Variants in ATP8A2 observed in about 807,000 individuals in gnomAD.
ATP8A2 encodes the protein ATPase phospholipid transporting 8A2.
ATP8A2 carries 100 observed loss-of-function variants against 165.6 expected under a neutral mutation model. The ratio of observed to expected loss-of-function variants is 0.60; its 90% CI spans 0.51 to 0.71. The LOEUF (loss-of-function observed/expected upper bound fraction) is 0.71. ATP8A2 is among the 30% of genes least tolerant of loss of function. The pLI, the probability that ATP8A2 is intolerant of heterozygous loss-of-function variation, is 0.00. For missense variants in ATP8A2, 1,227 were observed against 1,479.5 expected, an observed-to-expected ratio of 0.83 and a Z score of 2.80; for synonymous variants, 543 against 548.8, an observed-to-expected ratio of 0.99 and a Z score of 0.15.
chr13:25,964,694 G>A (rs1276416513), intron 34 of ATP8A2, among the ~76,000 whole-genome samples: 1 of 152,192 alleles, frequency 6.6e-6, no homozygotes, highest in African/African-American at 2.4e-5. Flanking sequence ...CAGAAAGGGT[G>A]TGTATTTGAG....
At chr13:25,945,972 A>G (rs558402820) in intron 33 of ATP8A2, among the ~76,000 whole-genome samples, 3 of 152,276 alleles carry the variant, frequency 2.0e-5, no homozygotes, top group South Asian at 2.1e-4. Flanking sequence ...TAAAGGTTTC[A>G]TTCTAGGACC....
intron 1 of ATP8A2, among the ~76,000 whole-genome samples, chr13:25,398,329 T>C (rs1298927745): frequency 6.6e-6 from 1 of 152,196 alleles, no homozygotes; most frequent in East Asian, 1.9e-4. Flanking sequence ...TACTTTAATG[T>C]TAATGATGGT....
intron 25 of ATP8A2, among the ~76,000 whole-genome samples, chr13:25,736,617 C>G (rs2043775511): frequency 1.3e-5 from 2 of 152,202 alleles, no homozygotes; most frequent in African/African-American, 4.8e-5. Context: ...GCTTTGTGGT[C>G]TCTCTGCATC....
chr13:25,932,731 G>A (rs1172235503), intron 33 of ATP8A2, among the ~76,000 whole-genome samples: 1 of 152,192 alleles, frequency 6.6e-6, no homozygotes, highest in Non-Finnish European at 1.5e-5. Context: ...GCCTGCTGGG[G>A]AAGTCAGTTA....
chr13:25,635,270 G>A (rs1230918050), intron 24 of ATP8A2, among the ~76,000 whole-genome samples: 7 of 152,164 alleles, frequency 4.6e-5, no homozygotes, highest in Non-Finnish European at 1.0e-4. Context: ...ATTGGGGAAG[G>A]TTAAACTTGA....
rs184837763 is a variant in ATP8A2, at chr13:26,021,094, G to A, written c.*1109G>A. On this transcript the variant is annotated 3_prime_UTR_variant, in exon 37 of 37. Transcript: ENST00000381655. Reference sequence around the variant, plus strand: ...TTTATAACATGCCTGCACAGCGAAGGAACACACCTGTCGCTCTTAGCTCTA... The same window carrying A: ...TTTATAACATGCCTGCACAGCGAAGAAACACACCTGTCGCTCTTAGCTCTA... The A allele has an allele frequency of 6.6e-6, 1 of 152,362 alleles. No homozygotes were observed. The highest frequency in any genetic ancestry group is 1.9e-4 in the East Asian group (1 of 5,178). 9.4% of individuals were successfully genotyped at this position (152,362 alleles called of 1,614,324 possible). A position where few individuals can be genotyped will look rare whatever the true frequency, so the allele number is the denominator to read the frequency against.
chr13:25,639,564 A>T (rs1337734995), intron 24 of ATP8A2, among the ~76,000 whole-genome samples: 2 of 152,336 alleles, frequency 1.3e-5, no homozygotes. Context: ...TATCCTAAAT[A>T]TATATGCACC....
At chr13:25,467,556 G>GT (rs543308826) in intron 1 of ATP8A2, among the ~76,000 whole-genome samples, 26,983 of 143,432 alleles carry the variant, frequency 0.19, 2,645 homozygotes, top group Non-Finnish European at 0.24. Flanking sequence ...TAAGATGTCA[G>GT]TTTTTTTTTT....
chr13:25,722,269 T>G (rs1235654042), intron 25 of ATP8A2, among the ~76,000 whole-genome samples: 3 of 152,198 alleles, frequency 2.0e-5, no homozygotes, highest in African/African-American at 7.2e-5. Context: ...TTTCCCCTTC[T>G]TCCTTGATGG....
intron 24 of ATP8A2, among the ~76,000 whole-genome samples, chr13:25,647,023 C>G (rs2041692347): frequency 6.6e-6 from 1 of 152,194 alleles, no homozygotes; most frequent in South Asian, 2.1e-4. Flanking sequence ...CTCTTTCCCC[C>G]ATTTTATGTT....
chr13:25,887,606 G>A (rs1953199897), intron 33 of ATP8A2, among the ~76,000 whole-genome samples: 1 of 152,268 alleles, frequency 6.6e-6, no homozygotes, highest in Non-Finnish European at 1.5e-5. Flanking sequence ...AAAGTGTTGG[G>A]ATTACAGGCG....
intron 25 of ATP8A2, among the ~76,000 whole-genome samples, chr13:25,760,443 T>A (rs1392153239): frequency 6.6e-6 from 1 of 152,216 alleles, no homozygotes; most frequent in Non-Finnish European, 1.5e-5. Flanking sequence ...TATAAAGGTA[T>A]CTTCAGGTAA....
Position 25,533,412 on chromosome 13 carries a change from T to C in ATP8A2, c.507+99T>C, listed in dbSNP as rs2038179028. 27 of 690,568 alleles carry C rather than the reference T, an allele frequency of 3.9e-5. No individual in the cohort carries two copies. The South Asian group carries it at 4.5e-4, about 12-fold the overall frequency. 42.8% of individuals were successfully genotyped at this position (690,568 alleles called of 1,614,324 possible). ...AGTATAAAGTTTCTGTTAGACACAG[T>C]AGAGTTTTCCATGAGGTCTGCTGAG... On this transcript the variant is annotated intron_variant, in intron 6 of 36. Coordinates refer to ENST00000381655, the MANE Select transcript of ATP8A2 (RefSeq NM_016529.6).
At chr13:26,015,305 A>G (rs1956944020) in intron 36 of ATP8A2, among the ~76,000 whole-genome samples, 1 of 152,136 alleles carries the variant, frequency 6.6e-6, no homozygotes, top group Admixed American at 6.6e-5. Context: ...GGGGTGCAGG[A>G]TGGGCATATA....
chr13:25,801,438 A>G (rs1263765144), intron 27 of ATP8A2, among the ~76,000 whole-genome samples: 1 of 152,114 alleles, frequency 6.6e-6, no homozygotes, highest in Non-Finnish European at 1.5e-5. Flanking sequence ...TGCAGCTCAT[A>G]CAGGTAAATG....
At chr13:25,603,228 C>T (rs1224058674) in intron 24 of ATP8A2, among the ~76,000 whole-genome samples, 1 of 152,136 alleles carries the variant, frequency 6.6e-6, no homozygotes, top group Non-Finnish European at 1.5e-5. Flanking sequence ...TGGCTCACGC[C>T]TGTAATCCCA....
chr13:25,723,893 G>A (rs1207255597), intron 25 of ATP8A2, among the ~76,000 whole-genome samples: 8 of 152,178 alleles, frequency 5.3e-5, no homozygotes, highest in African/African-American at 1.7e-4. Flanking sequence ...AGAGAACAGA[G>A]ATAGGGGAAG....
chr13:25,882,138 G>A (rs1270727884), intron 33 of ATP8A2, among the ~76,000 whole-genome samples: 1 of 152,170 alleles, frequency 6.6e-6, no homozygotes, highest in Non-Finnish European at 1.5e-5. Context: ...GAATGCAGGG[G>A]CCATTGGACG....
chr13:25,911,607 C>G (rs1336517329), intron 33 of ATP8A2, among the ~76,000 whole-genome samples: 2 of 152,132 alleles, frequency 1.3e-5, no homozygotes, highest in Non-Finnish European at 2.9e-5. Flanking sequence ...TTGGCAGCTT[C>G]GAACTCATAT....
Sources: allele counts gnomAD v4.1 joint callset (sites outside exome capture counted in the v4.1 genomes callset), GRCh38; gene constraint gnomAD v4.1.1; transcripts MANE v1.5; gene names NCBI Gene and HGNC (gene_info 2026-07-23, HGNC 2026-07-21).